SACM1L: variants seen among roughly 807,000 people sequenced by gnomAD.
SACM1L encodes the protein SAC1 like phosphatidylinositide phosphatase, also known as phosphatidylinositol-3-phosphatase SAC1.
A neutral mutation model predicts 89.5 loss-of-function variants in SACM1L; 32 were observed. That is an observed-to-expected ratio of 0.36 (90% confidence interval 0.27 to 0.48). SACM1L has a LOEUF of 0.48. Among genes scored for constraint, SACM1L ranks in the 20% least tolerant of loss-of-function variants. The pLI is 0.99. For synonymous variants in SACM1L, 213 were observed against 232.8 expected (o/e 0.92, Z 0.77); for missense variants, 543 against 708.5 (o/e 0.77, Z 2.65).
chr3:45,711,341 AG>A (rs1296414532), intron 5 of SACM1L, among the ~76,000 whole-genome samples: 1 of 152,082 alleles, frequency 6.6e-6, no homozygotes, highest in Non-Finnish European at 1.5e-5. Flanking sequence ...CTAAACAGAA[AG>A]TTAGCCAAGT....
chr3:45,709,610 C>A lies in SACM1L; in HGVS notation c.446C>A (p.Thr149Asn). 6.2e-7 allele frequency: 1 copy of A among 1,613,606 alleles called. No homozygotes were observed. The change falls in exon 5 of 20, where the codon ACT (threonine) becomes AAT (asparagine). Residue 149 changes from threonine to asparagine, a missense_variant. By Grantham distance (65) the Thr-to-Asn change is moderately conservative. Transcript: ENST00000389061. Reference protein sequence around the residue: ...LTHTLQRLSNTSPEFQEMSLL... With the variant: ...LTHTLQRLSNNSPEFQEMSLL... ...CATACTTTGCAGCGGCTATCCAACA[C>A]TAGTCCTGAATTCCAAGAAATGAGT...
chr3:45,738,850 C>A lies in SACM1L; in HGVS notation c.1546C>A (p.Pro516Thr). Reference sequence around the variant, plus strand: ...AGAATCTCATAGTCCTTTAAGTGTTCCAAGGGACTGGAAATTCCTGGCTGT... The same window carrying A: ...AGAATCTCATAGTCCTTTAAGTGTTACAAGGGACTGGAAATTCCTGGCTGT... ...ELESHSPLSV[P>T]RDWKFLALPI... Residue 516 changes from proline (P) to threonine (T), a missense_variant, in exon 18 of 20, where the codon CCA becomes ACA. Pro to Thr is a conservative substitution (Grantham distance 38). Around this residue, in one of 2 missense-constraint regions of SACM1L, gnomAD observed 370 missense variants for 527.6 expected, o/e 0.70. Coordinates refer to ENST00000389061, the MANE Select transcript of SACM1L (RefSeq NM_014016.5). 1 of 1,607,616 alleles carries A rather than the reference C, an allele frequency of 6.2e-7. No individual in the cohort carries two copies. Among genetic ancestry groups the A allele is most frequent in the South Asian group, 1.1e-5 (1 of 90,610 alleles).
intron 12 of SACM1L, 74 bp from the exon 13 acceptor site, chr3:45,731,979 C>T: frequency 2.3e-6 from 2 of 853,364 alleles, no homozygotes; most frequent in Non-Finnish European, 3.7e-6. Context: ...GGAAAATCAG[C>T]TTATGAAGGT....
chr3:45,736,474 G>A (rs1340472772), intron 14 of SACM1L, among the ~76,000 whole-genome samples: 2 of 152,082 alleles, frequency 1.3e-5, no homozygotes, highest in African/African-American at 4.8e-5. Flanking sequence ...TCTGACAATT[G>A]TATGATACCG....
intron 11 of SACM1L, among the ~76,000 whole-genome samples, chr3:45,724,003 TTTG>T (rs1436766584): frequency 6.6e-6 from 1 of 151,496 alleles, no homozygotes; most frequent in African/African-American, 2.4e-5. Flanking sequence ...CATACCACAT[TTTG>T]TTTATCCATT....
chr3:45,724,194 A>G (rs1345786981), intron 11 of SACM1L, among the ~76,000 whole-genome samples: 3 of 152,178 alleles, frequency 2.0e-5, no homozygotes, highest in Admixed American at 2.0e-4. Flanking sequence ...TCTTTGAGGA[A>G]CCACCATACT....
intron 1 of SACM1L, among the ~76,000 whole-genome samples, chr3:45,695,366 T>C (rs1328841166): frequency 6.6e-6 from 1 of 152,058 alleles, no homozygotes; most frequent in African/African-American, 2.4e-5. Flanking sequence ...GTTCAAGTGA[T>C]TCTTGTGCCT....
At chr3:45,716,418 A>G (rs530652039) in intron 7 of SACM1L, among the ~76,000 whole-genome samples, 46 of 152,322 alleles carry the variant, frequency 3.0e-4, no homozygotes, top group African/African-American at 1.0e-3. Flanking sequence ...TCAGTGAGCT[A>G]TGATCACACC....
chr3:45,712,907 A>G (rs1698561046), intron 5 of SACM1L, among the ~76,000 whole-genome samples: 1 of 152,222 alleles, frequency 6.6e-6, no homozygotes, highest in African/African-American at 2.4e-5. Flanking sequence ...AATTAAATGT[A>G]AGGGAAAGAA....
intron 7 of SACM1L, among the ~76,000 whole-genome samples, chr3:45,716,576 G>A (rs191951723): frequency 2.9e-4 from 44 of 152,238 alleles, no homozygotes; most frequent in Admixed American, 2.3e-3. Flanking sequence ...CCTGGTGTGG[G>A]CTGCTCACCT....
At position 45,707,231 on chromosome 3, in the gene SACM1L, T is replaced by C. The variant is rs915057413; in HGVS notation, c.333+324T>C. On this transcript the variant is annotated intron_variant, in intron 4 of 19. Coordinates refer to ENST00000389061, the MANE Select transcript of SACM1L (RefSeq NM_014016.5). ...TAAAGAAATAAAATATAAATACCTT[T>C]GAAGTTCTACTCCTCTTAACTCATT... 2.5e-5 allele frequency: 5 copies of C among 201,306 alleles called. No homozygotes were observed. In the South Asian group the frequency reaches 4.2e-4, roughly 17 times the overall value. 12.5% of individuals were successfully genotyped at this position (201,306 alleles called of 1,614,324 possible). A position where few individuals can be genotyped will look rare whatever the true frequency, so the allele number is the denominator to read the frequency against.
At chr3:45,689,802 G>T (rs1177769982) in intron 1 of SACM1L, 13 of 551,242 alleles carry the variant, frequency 2.4e-5, no homozygotes, top group African/African-American at 3.8e-5. Context: ...TTCAGGGCAC[G>T]CTTGTCCCCA....
Position 45,738,614 on chromosome 3 carries a change from T to C in SACM1L, c.1419T>C (p.Asp473=). The C allele has an allele frequency of 6.2e-7, 1 of 1,613,208 alleles. No individual in the cohort carries two copies. Among genetic ancestry groups the C allele is most frequent in the African/African-American group, 1.3e-5 (1 of 75,042 alleles). ...GAACTCATTTGGGACTTATAATGGATGGCTGGAACTCAATGATACGATATT... is the reference window on the plus strand; with the variant it reads ...GAACTCATTTGGGACTTATAATGGACGGCTGGAACTCAATGATACGATATT... ...GKRTHLGLIM[D]GWNSMIRYYK... is the part of the protein sequence containing the mutation. Residue 473 remains aspartate (D), a synonymous_variant, in exon 17 of 20, where the codon GAT becomes GAC. Transcript: ENST00000389061.
At chr3:45,743,015 CA>C (rs1454054267) in intron 19 of SACM1L, 1 of 152,000 alleles carries the variant, frequency 6.6e-6, no homozygotes, top group Non-Finnish European at 1.5e-5. Context: ...TGTGTATATG[CA>C]AAAAATACTC....
At chr3:45,717,848 T>C (rs899065698) in intron 7 of SACM1L, among the ~76,000 whole-genome samples, 1 of 152,198 alleles carries the variant, frequency 6.6e-6, no homozygotes, top group African/African-American at 2.4e-5. Flanking sequence ...CCCAAGAGTT[T>C]GAGGCTGCGG....
At chr3:45,740,724 AT>A (rs1245467154) in intron 19 of SACM1L, among the ~76,000 whole-genome samples, 1 of 151,926 alleles carries the variant, frequency 6.6e-6, no homozygotes, top group Admixed American at 6.6e-5. Context: ...AGTGTCTGTG[AT>A]TTTTTTTCAA....
intron 5 of SACM1L, 47 bp from the exon 6 acceptor site, chr3:45,713,090 G>C: frequency 1.3e-6 from 2 of 1,486,954 alleles, no homozygotes; most frequent in Non-Finnish European, 9.3e-7. Context: ...TCTGTAGAAA[G>C]TAAGCTTGGC....
At position 45,719,168 on chromosome 3, in the gene SACM1L, G is replaced by A. The variant is rs949812670; in HGVS notation, c.578-332G>A. ...GAAAGTTAATCTATTTTAAATTTAT[G>A]TTTTCCATTCAGAGTAGATTTTTCA... On this transcript the variant is annotated intron_variant, in intron 7 of 19. Transcript: ENST00000389061. Among the ~76,000 whole-genome samples, 6 of 151,826 alleles carry A rather than the reference G, an allele frequency of 4.0e-5. No individual in the cohort carries two copies. In the East Asian group the frequency reaches 1.2e-3, roughly 29 times the overall value.
At chr3:45,691,581 T>G (rs184228767) in intron 1 of SACM1L, among the ~76,000 whole-genome samples, 332 of 150,452 alleles carry the variant, frequency 2.2e-3, no homozygotes, top group African/African-American at 7.5e-3. Flanking sequence ...AGGATTTATT[T>G]AAATGTTGAA....
Sources: gnomAD v4.1 joint callset for allele counts (sites outside exome capture counted in the v4.1 genomes callset) on GRCh38, gnomAD v4.1.1 for gene constraint, gnomAD v4.1.1 regional missense constraint, MANE v1.5 for transcripts, NCBI Gene and HGNC (gene_info 2026-07-23, HGNC 2026-07-21) for gene names.